The following SRGAP3 variants were observed in gnomAD, a reference collection of about 807,000 sequenced individuals.
The protein encoded by SRGAP3 is SLIT-ROBO Rho GTPase-activating protein 3.
In SRGAP3, 39 loss-of-function variants were observed where a neutral mutation model predicts 121.1. The ratio of observed to expected loss-of-function variants is 0.32; its 90% CI spans 0.25 to 0.42. The LOEUF is 0.42. SRGAP3 is among the 10% of genes least tolerant of loss of function. The pLI, the probability that SRGAP3 is intolerant of heterozygous loss-of-function variation, is 1.00. For synonymous variants in SRGAP3, 601 were observed against 570.0 expected, an observed-to-expected ratio of 1.05 and a Z score of -0.77; for missense variants, 1,213 against 1,470.6, an observed-to-expected ratio of 0.82 and a Z score of 2.86.
chr3:9,111,543 A>G (rs1464826411), intron 2 of SRGAP3, among the ~76,000 whole-genome samples: 1 of 152,174 alleles, frequency 6.6e-6, no homozygotes. Flanking sequence ...AGGGGCCTGC[A>G]GGGTCTCACA....
intron 1 of SRGAP3, among the ~76,000 whole-genome samples, chr3:9,354,862 C>T (rs182905961): frequency 3.3e-4 from 51 of 152,244 alleles, no homozygotes; most frequent in African/African-American, 1.1e-3. Context: ...ACCACTACTT[C>T]CAGTTAGAAA....
At chr3:9,048,896 G>A (rs1395215759) in intron 9 of SRGAP3, among the ~76,000 whole-genome samples, 1 of 152,196 alleles carries the variant, frequency 6.6e-6, no homozygotes, top group East Asian at 1.9e-4. Context: ...CTGCAAAGTG[G>A]ACATTTGAGC....
At chr3:9,348,348 G>A in intron 1 of SRGAP3, 1 of 441,114 alleles carries the variant, frequency 2.3e-6, no homozygotes, top group Non-Finnish European at 4.2e-6. Flanking sequence ...GGAAAGAAAA[G>A]GGAGAAAGAC....
intron 1 of SRGAP3, among the ~76,000 whole-genome samples, chr3:9,338,733 T>C (rs1955732248): frequency 6.6e-6 from 1 of 152,124 alleles, no homozygotes; most frequent in African/African-American, 2.4e-5. Flanking sequence ...TTAACGAAAA[T>C]AAGCCCTGGA....
chr3:9,322,806 A>T (rs977569879), intron 3 of SRGAP3, among the ~76,000 whole-genome samples: 1 of 151,846 alleles, frequency 6.6e-6, no homozygotes, highest in Non-Finnish European at 1.5e-5. Context: ...AAAATTGTTT[A>T]CATACACTTA....
rs1264270396 is a variant in SRGAP3 at position 9,257,396 on chromosome 3, T to G, written n.442+68614A>C. The G allele has an allele frequency of 2.6e-5, 4 of 152,290 alleles. No homozygotes were observed. In the East Asian group the frequency reaches 7.7e-4, roughly 29 times the overall value. 9.4% of individuals were successfully genotyped at this position (152,290 alleles called of 1,614,324 possible). ...AGGACACATTGAGAAGATGGTCATC[T>G]GAAAGCCAGGAAAAGAGACTGCTCC... On this transcript the variant is annotated intron_variant and non_coding_transcript_variant, in intron 3 of 3. Coordinates refer to the SRGAP3 transcript ENST00000490889.
At chr3:9,182,201 A>C (rs1465209133) in intron 1 of SRGAP3, among the ~76,000 whole-genome samples, 26 of 139,566 alleles carry the variant, frequency 1.9e-4, no homozygotes, top group African/African-American at 2.3e-4. Context: ...AAAAAAAAAA[A>C]CACAAAAAAG....
intron 2 of SRGAP3, among the ~76,000 whole-genome samples, chr3:9,107,880 G>C (rs913097110): frequency 2.0e-5 from 3 of 152,228 alleles, no homozygotes; most frequent in African/African-American, 7.2e-5. Flanking sequence ...CTGCCATGTA[G>C]CAGATGCTAT....
At chr3:9,193,887 G>A (rs1488486773) in intron 1 of SRGAP3, 1 of 152,350 alleles carries the variant, frequency 6.6e-6, no homozygotes, top group Non-Finnish European at 1.5e-5. Flanking sequence ...CAGCAGCGCA[G>A]AGGCTGCAGC....
At chr3:9,179,148 TG>T (rs1237673717) in intron 1 of SRGAP3, among the ~76,000 whole-genome samples, 1 of 152,240 alleles carries the variant, frequency 6.6e-6, no homozygotes, top group African/African-American at 2.4e-5. Context: ...CCCAGCTGCC[TG>T]GATCACTCCT....
Position 9,257,698 on chromosome 3 carries a change from C to CTTTTTTTTTTTTTTT in SRGAP3, n.442+68297_442+68311dup, listed in dbSNP as rs386395913. Among the ~76,000 whole-genome samples the CTTTTTTTTTTTTTTT allele has an allele frequency of 4.0e-4, 29 of 73,246 alleles. 6 individuals are homozygous for CTTTTTTTTTTTTTTT. The highest frequency in any genetic ancestry group is 5.8e-4 in the Non-Finnish European group (23 of 39,860). The allele number at this position is 73,246 out of a possible 152,430, so 48.1% of individuals were successfully genotyped here. A position where few individuals can be genotyped will look rare whatever the true frequency, so the allele number is the denominator to read the frequency against. ...ACTCACTCATTAAACAAAATAGCTC[C>CTTTTTTTTTTTTTTT]TTTTTTTTTTTTTTTTTTTTTTTTT... On this transcript the variant is annotated intron_variant and non_coding_transcript_variant, in intron 3 of 3. Coordinates refer to the SRGAP3 transcript ENST00000490889.
chr3:9,260,352 C>T (rs1166003226), intron 3 of SRGAP3, among the ~76,000 whole-genome samples: 3 of 152,270 alleles, frequency 2.0e-5, no homozygotes, highest in Middle Eastern at 3.4e-3. Flanking sequence ...AGTGATTGTG[C>T]TAAGTGGACC....
At chr3:9,147,569 G>T (rs1399274591) in intron 1 of SRGAP3, among the ~76,000 whole-genome samples, 1 of 152,112 alleles carries the variant, frequency 6.6e-6, no homozygotes, top group Non-Finnish European at 1.5e-5. Context: ...TCACTCATCA[G>T]TGCATCAAAA....
At chr3:9,226,570 G>A (rs1198943566) in intron 1 of SRGAP3, among the ~76,000 whole-genome samples, 1 of 152,082 alleles carries the variant, frequency 6.6e-6, no homozygotes, top group Non-Finnish European at 1.5e-5. Context: ...AGGTTTTTTG[G>A]CAACTGCCTC....
chr3:9,347,792 A>C (rs1955933870), intron 1 of SRGAP3, among the ~76,000 whole-genome samples: 1 of 152,206 alleles, frequency 6.6e-6, no homozygotes, highest in African/African-American at 2.4e-5. Flanking sequence ...AAGGATGTGG[A>C]AATCTGATTT....
At position 9,026,192 on chromosome 3, in the gene SRGAP3, A is replaced by G. The variant is rs140892691; in HGVS notation, c.1600+743T>C. 4.5e-3 allele frequency among the ~76,000 whole-genome samples: 690 copies of G among 152,194 alleles called. 3 individuals are homozygous for G. Among genetic ancestry groups the G allele is most frequent in the African/African-American group, 0.015 (635 of 41,528 alleles). On this transcript the variant is annotated intron_variant, in intron 13 of 21. Coordinates refer to ENST00000383836, the MANE Select transcript of SRGAP3 (RefSeq NM_014850.4). ...GTTCAAACATCACCCCCTCGGAGAA[A>G]TCTCTCCTCACCGCCTTAGCCAAAG... is the stretch of plus-strand genomic sequence containing the variant.
intron 1 of SRGAP3, among the ~76,000 whole-genome samples, chr3:9,351,288 C>T (rs1443013416): frequency 6.6e-6 from 1 of 152,178 alleles, no homozygotes; most frequent in Non-Finnish European, 1.5e-5. Context: ...CTTCATTTGC[C>T]ATGTGCCAGA....
intron 1 of SRGAP3, among the ~76,000 whole-genome samples, chr3:9,199,603 TTTTG>T (rs1236161497): frequency 5.3e-5 from 8 of 152,236 alleles, no homozygotes; most frequent in South Asian, 2.1e-4. Flanking sequence ...TAGGTTCTGC[TTTTG>T]TTTGTTTTTT....
rs1186837663 is a variant in SRGAP3, at chr3:8,984,679, A to G, written c.*840T>C. Reference sequence around the variant, plus strand: ...GCCAACCTTCTCCCATGCCTTTGGGAGTACAGTTGGCCTTTGGCCTCCGGG... The same window carrying G: ...GCCAACCTTCTCCCATGCCTTTGGGGGTACAGTTGGCCTTTGGCCTCCGGG... On this transcript the variant is annotated 3_prime_UTR_variant, in exon 22 of 22. Coordinates refer to ENST00000383836, the MANE Select transcript of SRGAP3 (RefSeq NM_014850.4). 1 of 232,388 alleles carries G rather than the reference A, an allele frequency of 4.3e-6. No individual in the cohort carries two copies. Among genetic ancestry groups the G allele is most frequent in the Non-Finnish European group, 8.5e-6 (1 of 117,422 alleles). The allele number at this position is 232,388 out of a possible 1,614,324, so 14.4% of individuals were successfully genotyped here.
Sources: gnomAD v4.1 joint callset for allele counts (sites outside exome capture counted in the v4.1 genomes callset) on GRCh38, gnomAD v4.1.1 for gene constraint, MANE v1.5 for transcripts, NCBI Gene and HGNC (gene_info 2026-07-23, HGNC 2026-07-21) for gene names.